SMC1A: variants seen among roughly 807,000 people sequenced by gnomAD.
The protein encoded by SMC1A is structural maintenance of chromosomes protein 1A.
A neutral mutation model predicts 94.5 loss-of-function variants in SMC1A; 4 were observed. The ratio of observed to expected loss-of-function variants is 0.04; its 90% confidence interval spans 0.02 to 0.10. SMC1A has a LOEUF of 0.10. Among genes scored for constraint, SMC1A ranks in the 10% least tolerant of loss-of-function variants. SMC1A has a pLI of 1.00. For synonymous variants in SMC1A, 345 were observed against 347.7 expected, an observed-to-expected ratio of 0.99 and a Z score of 0.09; for missense variants, 304 against 989.0, an observed-to-expected ratio of 0.31 and a Z score of 9.29.
intron 6 of SMC1A, 32 bp from the exon 7 acceptor site, chrX:53,411,933 T>G: frequency 8.3e-7 from 1 of 1,211,725 alleles, no homozygotes; most frequent in Admixed American, 2.2e-5. Flanking sequence ...AGAACAGGGA[T>G]GACCAAGTCA....
chrX:53,417,976 A>G (rs1602415884), intron 1 of SMC1A, among the ~76,000 whole-genome samples: 1 of 112,217 alleles, frequency 8.9e-6, no homozygotes, highest in East Asian at 2.8e-4. Context: ...CTAAGCAGCT[A>G]GGGTCAAGGG....
rs189425140 is a variant in SMC1A at position 53,401,049 on chromosome X, C to A, written c.2421-1319G>T. On this transcript the variant is annotated intron_variant, in intron 15 of 24. Transcript: ENST00000322213. ...AGGCATGCTCTCTCACACTTCCAAGCATGCTGTTCTCTCTGCTTGGAATTC... is the reference window on the plus strand; with the variant it reads ...AGGCATGCTCTCTCACACTTCCAAGAATGCTGTTCTCTCTGCTTGGAATTC... 4.5e-5 allele frequency among the ~76,000 whole-genome samples: 5 copies of A among 111,159 alleles called. No individual in the cohort carries two copies. The East Asian group carries it at 1.4e-3, about 32-fold the overall frequency.
intron 19 of SMC1A, 47 bp downstream of exon 19, chrX:53,394,731 T>TGCCCCCCCCCCCCC: frequency 1.9e-5 from 8 of 416,206 alleles, no homozygotes; most frequent in African/African-American, 2.9e-5. Flanking sequence ...ATAGTCCCAC[T>TGCCCCCCCCCCCCC]CCCACCCAAC....
intron 15 of SMC1A, among the ~76,000 whole-genome samples, chrX:53,402,575 G>A (rs1556889061): frequency 9.4e-6 from 1 of 105,950 alleles, no homozygotes; most frequent in African/African-American, 3.4e-5. Flanking sequence ...AAAGCCAGGC[G>A]GGGGTTGGGG....
intron 19 of SMC1A, among the ~76,000 whole-genome samples, chrX:53,384,444 T>TGAG (rs2075597017): frequency 9.1e-6 from 1 of 109,602 alleles, no homozygotes; most frequent in Non-Finnish European, 1.9e-5. Context: ...TTGTATTTTT[T>TGAG]GTAGAGACAG....
rs781926382 is a variant in SMC1A at position 53,399,744 on chromosome X, TGG to T, written c.2421-16_2421-15del. 8.3e-7 allele frequency: 1 copy of T among 1,201,186 alleles called. No homozygotes were observed. Among genetic ancestry groups the T allele is most frequent in the African/African-American group, 1.7e-5 (1 of 57,412 alleles). ...TCAAACTCCAAACTGTGTATAAAGG[TGG>T]GGGGAGAATCACTCATAATCTCATC... On this transcript the variant is annotated splice_polypyrimidine_tract_variant and intron_variant, in intron 15 of 24. Coordinates refer to ENST00000322213, the MANE Select transcript of SMC1A (RefSeq NM_006306.4).
In SMC1A at chrX:53,380,680, G is replaced by A. The variant is rs782128162; in HGVS notation, c.3558C>T (p.Val1186=). ...EQSTCNFQAI[V]ISLKEEFYTK... is the part of the protein sequence containing the mutation. ...TGTAGAACTCCTCCTTGAGAGAGAT[G>A]ACGATGGCCTGGAAGTTGCAAGTCG... The change falls in exon 24 of 25, where the codon GTC becomes GTT. Residue 1186 remains valine (V), a synonymous_variant. Transcript: ENST00000322213. 8.3e-7 allele frequency: 1 copy of A among 1,209,116 alleles called. No individual in the cohort carries two copies. Among genetic ancestry groups the A allele is most frequent in the Non-Finnish European group, 1.1e-6 (1 of 894,077 alleles).
At chrX:53,394,736 C>G in intron 19 of SMC1A, 42 bp downstream of exon 19, 2 of 470,535 alleles carry the variant, frequency 4.3e-6, no homozygotes, top group Admixed American at 3.1e-5. Context: ...CCCACTCCCA[C>G]CCAACCCCCA....
chrX:53,387,054 G>A (rs946804539), intron 19 of SMC1A, among the ~76,000 whole-genome samples: 1 of 112,023 alleles, frequency 8.9e-6, no homozygotes, highest in Non-Finnish European at 1.9e-5. Context: ...GGAGTGCAGC[G>A]GTGCGACCTC....
chrX:53,404,909 GGGA>G, intron 13 of SMC1A, 100 bp downstream of exon 13: 1 of 960,661 alleles, frequency 1.0e-6, no homozygotes, highest in Non-Finnish European at 1.4e-6. Context: ...GCGGCAGGCT[GGGA>G]GGAGACGGGG....
Position 53,382,258 on chromosome X carries a change from A to G in SMC1A, c.3411T>C (p.Ala1137=). 1 of 1,211,788 alleles carries G rather than the reference A, an allele frequency of 8.3e-7. No individual in the cohort carries two copies. The highest frequency in any genetic ancestry group is 1.1e-6 in the Non-Finnish European group (1 of 895,464). Residue 1137 remains alanine (A), a synonymous_variant, in exon 22 of 25, where the codon GCT becomes GCC. Coordinates refer to ENST00000322213, the MANE Select transcript of SMC1A (RefSeq NM_006306.4). ...NLSGGEKTVA[A]LALLFAIHSY... is the part of the protein sequence containing the mutation. ...TGTGGATGGCAAAGAGCAGGGCCAGAGCTGCCACTGTCTTCTCCCCGCCTG... is the reference window on the plus strand; with the variant it reads ...TGTGGATGGCAAAGAGCAGGGCCAGGGCTGCCACTGTCTTCTCCCCGCCTG...
chrX:53,405,798 C>T lies in SMC1A; in HGVS notation c.1704G>A (p.Glu568=), dbSNP rs1556889629. 1 of 1,210,876 alleles carries T rather than the reference C, an allele frequency of 8.3e-7. No individual in the cohort carries two copies. Among genetic ancestry groups the T allele is most frequent in the Non-Finnish European group, 1.1e-6 (1 of 895,129 alleles). The change falls in exon 10 of 25, where the codon GAG becomes GAA. Residue 568 remains glutamate, a synonymous_variant. Transcript: ENST00000322213. ...CCAGGTAGTCAAGAGGCAAGAAGGTCTCAGGCTCCCCACGCTGCTCCTTGA... is the reference window on the plus strand; with the variant it reads ...CCAGGTAGTCAAGAGGCAAGAAGGTTTCAGGCTCCCCACGCTGCTCCTTGA... ...QYIKEQRGEP[E]TFLPLDYLEV... is the part of the protein sequence containing the mutation.
In SMC1A at chrX:53,412,161, T is replaced by C. The variant is rs1377540307; in HGVS notation, c.947A>G (p.Lys316Arg). 1.7e-6 allele frequency: 2 copies of C among 1,210,145 alleles called. No homozygotes were observed. Among genetic ancestry groups the C allele is most frequent in the Non-Finnish European group, 2.2e-6 (2 of 895,206 alleles). The change falls in exon 6 of 25, where the codon AAG becomes AGG. Residue 316 changes from lysine to arginine, a missense_variant. By Grantham distance (26) the Lys-to-Arg change is conservative. This residue lies in a region of SMC1A where 120 missense variants were observed against 314.9 expected (regional missense o/e 0.38). Coordinates refer to ENST00000322213, the MANE Select transcript of SMC1A (RefSeq NM_006306.4). ...SHKIKKLEAA[K>R]KSLQNAQKHY... ...CTTCTGAGCATTCTGCAGAGACTTC[T>C]TGGCTGCTTCCAGCTTCTTGATTTT...
At position 53,409,431 on chromosome X, in the gene SMC1A, T is replaced by C. The variant is rs1420631143; in HGVS notation, c.1327A>G (p.Thr443Ala). The change falls in exon 8 of 25, where the codon ACC becomes GCC. Residue 443 changes from threonine (T) to alanine (A), a missense_variant. Thr to Ala is a moderately conservative substitution (Grantham distance 58, BLOSUM62 0). Transcript: ENST00000322213. ...KRIEKLEEYITTSKQSLEEQK... is the reference protein window; with the variant it reads ...KRIEKLEEYIATSKQSLEEQK... ...TGCAGAGCTACATACTTGCTAGTGG[T>C]GATGTATTCCTCCAGTTTCTCAATC... The C allele has an allele frequency of 1.7e-6, 2 of 1,202,324 alleles. No individual in the cohort carries two copies. The highest frequency in any genetic ancestry group is 2.3e-6 in the Non-Finnish European group (2 of 888,673).
intron 3 of SMC1A, 66 bp from the exon 4 acceptor site, chrX:53,413,501 C>A: frequency 3.0e-6 from 3 of 1,014,560 alleles, no homozygotes; most frequent in Non-Finnish European, 4.1e-6. Context: ...TACCCATTTC[C>A]ACTCCTTCAC....
chrX:53,418,216 A>T (rs2075739675), intron 1 of SMC1A, among the ~76,000 whole-genome samples: 1 of 112,039 alleles, frequency 8.9e-6, no homozygotes, highest in Admixed American at 9.5e-5. Flanking sequence ...CCCACGCTAG[A>T]TTGCACCTAC....
Position 53,377,882 on chromosome X carries a change from T to C in SMC1A, c.*2221A>G, listed in dbSNP as rs1423577751. ...ATTTGAACCAGGTCTGACCCCCGAA[T>C]TGTGCTCGTCCATAAAGGCCAGCAT... On this transcript the variant is annotated 3_prime_UTR_variant, in exon 25 of 25. Transcript: ENST00000322213. 1.8e-5 allele frequency: 2 copies of C among 112,355 alleles called. No individual in the cohort carries two copies. The highest frequency in any genetic ancestry group is 3.8e-5 in the Non-Finnish European group (2 of 53,220). The allele number at this position is 112,355 out of a possible 1,213,427, so 9.3% of individuals were successfully genotyped here.
chrX:53,397,875 T>G (rs2075657225), intron 16 of SMC1A, among the ~76,000 whole-genome samples: 1 of 110,973 alleles, frequency 9.0e-6, no homozygotes, highest in Non-Finnish European at 1.9e-5. Flanking sequence ...CTGCCCAAGC[T>G]ACAACTGCAT....
At chrX:53,388,719 C>A (rs1441783450) in intron 19 of SMC1A, among the ~76,000 whole-genome samples, 3 of 109,732 alleles carry the variant, frequency 2.7e-5, no homozygotes, top group South Asian at 3.9e-4. Flanking sequence ...GAAAATTGGC[C>A]AGGCACGGTG....
Sources: allele counts gnomAD v4.1 joint callset (sites outside exome capture counted in the v4.1 genomes callset), GRCh38; gene constraint gnomAD v4.1.1; regional missense constraint gnomAD v4.1.1; transcripts MANE v1.5; gene names NCBI Gene and HGNC (gene_info 2026-07-23, HGNC 2026-07-21).